COMMD10: variants seen among roughly 807,000 people sequenced by gnomAD.
COMMD10 encodes COMM domain-containing protein 10.
COMMD10 carries 33 observed loss-of-function variants against 28.9 expected under a neutral mutation model. That is an observed-to-expected ratio of 1.14 (90% CI 0.87 to 1.53). The LOEUF (loss-of-function observed/expected upper bound fraction) is 1.53, where lower values mean the gene tolerates loss of function less well. Among genes scored for constraint, COMMD10 ranks in the 40% most tolerant of loss-of-function variants. The pLI is 0.00. For missense variants in COMMD10, 310 were observed against 233.4 expected (o/e 1.33, Z -2.14); for synonymous variants, 110 against 81.7 (o/e 1.35, Z -1.87).
intron 5 of COMMD10, among the ~76,000 whole-genome samples, chr5:116,171,602 G>C (rs1407809095): frequency 1.3e-5 from 2 of 152,134 alleles, no homozygotes; most frequent in Non-Finnish European, 2.9e-5. Flanking sequence ...TGATATACTG[G>C]ATAAAGAAAA....
chr5:116,096,259 T>C (rs1750463257), intron 4 of COMMD10, among the ~76,000 whole-genome samples: 1 of 151,998 alleles, frequency 6.6e-6, no homozygotes, highest in Non-Finnish European at 1.5e-5. Context: ...TGATTTCTTT[T>C]ATCAGTGTCT....
intron 5 of COMMD10, among the ~76,000 whole-genome samples, chr5:116,148,784 G>A (rs1283674889): frequency 6.6e-6 from 1 of 151,814 alleles, no homozygotes; most frequent in Non-Finnish European, 1.5e-5. Context: ...AGGACAACCT[G>A]AAGAATGGGA....
At chr5:116,149,953 T>C (rs1389178245) in intron 5 of COMMD10, among the ~76,000 whole-genome samples, 2 of 152,118 alleles carry the variant, frequency 1.3e-5, no homozygotes, top group East Asian at 3.8e-4. Context: ...CTGAATGGTA[T>C]TGCCTAGGTT....
At chr5:116,189,811 T>C (rs1748291579) in intron 5 of COMMD10, among the ~76,000 whole-genome samples, 1 of 152,204 alleles carries the variant, frequency 6.6e-6, no homozygotes, top group South Asian at 2.1e-4. Flanking sequence ...AAATTGTTCA[T>C]GTATTTTAGC....
intron 5 of COMMD10, among the ~76,000 whole-genome samples, chr5:116,190,740 A>G (rs1334562179): frequency 6.6e-6 from 1 of 152,236 alleles, no homozygotes; most frequent in African/African-American, 2.4e-5. Context: ...AGCAACTAAC[A>G]ACTTTAAGCT....
At chr5:116,125,616 G>A (rs1448107750) in intron 4 of COMMD10, among the ~76,000 whole-genome samples, 1 of 152,102 alleles carries the variant, frequency 6.6e-6, no homozygotes, top group African/African-American at 2.4e-5. Context: ...GCTTGGGGAA[G>A]TTCTCCTGGA....
chr5:116,131,393 G>A (rs190638038), intron 4 of COMMD10, among the ~76,000 whole-genome samples: 58 of 151,974 alleles, frequency 3.8e-4, no homozygotes, highest in African/African-American at 1.3e-3. Flanking sequence ...GTATGTGTGT[G>A]TGTGTGTATG....
chr5:116,120,027 C>T (rs1561612097), intron 4 of COMMD10, among the ~76,000 whole-genome samples: 1 of 152,038 alleles, frequency 6.6e-6, no homozygotes, highest in African/African-American at 2.4e-5. Flanking sequence ...TCCATGAGAT[C>T]ACCATGGTAA....
At chr5:116,241,242 C>T (rs544077158) in intron 5 of COMMD10, among the ~76,000 whole-genome samples, 49 of 152,192 alleles carry the variant, frequency 3.2e-4, no homozygotes, top group African/African-American at 1.2e-3. Flanking sequence ...TTAGTTTAAC[C>T]GTAGGTGGAC....
At chr5:116,288,630 CTTCT>C (rs1751283537) in intron 5 of COMMD10, among the ~76,000 whole-genome samples, 1 of 151,640 alleles carries the variant, frequency 6.6e-6, no homozygotes, top group African/African-American at 2.4e-5. Flanking sequence ...CTTCACATTT[CTTCT>C]TTCTTTTTTC....
At chr5:116,180,878 T>G (rs908222982) in intron 5 of COMMD10, among the ~76,000 whole-genome samples, 19 of 152,100 alleles carry the variant, frequency 1.2e-4, no homozygotes, top group Admixed American at 2.6e-4. Flanking sequence ...TAAAAAGTCT[T>G]TATTAGGCTC....
intron 5 of COMMD10, among the ~76,000 whole-genome samples, chr5:116,268,233 G>A (rs553556583): frequency 1.2e-3 from 186 of 151,810 alleles, no homozygotes; most frequent in Middle Eastern, 6.8e-3. Flanking sequence ...AATCTACAAA[G>A]AACTTAAACA....
intron 5 of COMMD10, among the ~76,000 whole-genome samples, chr5:116,202,339 T>G (rs1209006451): frequency 6.6e-6 from 1 of 151,898 alleles, no homozygotes; most frequent in African/African-American, 2.4e-5. Context: ...AGTGCCACAA[T>G]AAACATACGT....
In COMMD10 at chr5:116,099,564, C is replaced by T. The variant is rs539776406; in HGVS notation, c.399+6864C>T. On this transcript the variant is annotated intron_variant, in intron 4 of 6. Transcript: ENST00000274458. ...GTACCAATTTACATTCCCACCAACA[C>T]TGTACAATGGTTTCTTTTTCTCTGC... Among the ~76,000 whole-genome samples, 4 of 152,282 alleles carry T rather than the reference C, an allele frequency of 2.6e-5. No homozygotes were observed. In the East Asian group the frequency reaches 7.7e-4, roughly 29 times the overall value.
At position 116,207,884 on chromosome 5, in the gene COMMD10, G is replaced by T. The variant is rs762800349; in HGVS notation, c.510+73706G>T. Among the ~76,000 whole-genome samples the T allele has an allele frequency of 2.0e-5, 3 of 152,058 alleles. 1 individual carries two copies. The highest frequency in any genetic ancestry group is 2.9e-5 in the Non-Finnish European group (2 of 68,016). ...ACATTGCCTCCCATTCTTTCTTTTG[G>T]CTGTTATTTAATGAGAGACTACTAT... On this transcript the variant is annotated intron_variant, in intron 5 of 6. Coordinates refer to ENST00000274458, the MANE Select transcript of COMMD10 (RefSeq NM_016144.4).
chr5:116,200,627 CT>C (rs1016645155), intron 5 of COMMD10, among the ~76,000 whole-genome samples: 2 of 151,318 alleles, frequency 1.3e-5, no homozygotes, highest in Middle Eastern at 3.4e-3. Flanking sequence ...TTGTTTTTGT[CT>C]TTGCTTTTCA....
rs546192820 is a variant in COMMD10 at position 116,281,362 on chromosome 5, A to G, written c.511-10155A>G. On this transcript the variant is annotated intron_variant, in intron 5 of 6. Transcript: ENST00000274458. ...TGGGTATGTGCAACATTATCTAGGT[A>G]CTCATAGATAGGATTACAAATTAAA... Among the ~76,000 whole-genome samples the G allele has an allele frequency of 1.1e-4, 17 of 151,862 alleles. No individual in the cohort carries two copies. In the East Asian group the frequency reaches 3.3e-3, roughly 29 times the overall value.
At chr5:116,172,636 T>C (rs1475152747) in intron 5 of COMMD10, among the ~76,000 whole-genome samples, 2 of 152,166 alleles carry the variant, frequency 1.3e-5, no homozygotes, top group Non-Finnish European at 2.9e-5. Flanking sequence ...AAAGATTTAC[T>C]CACAGTGTTT....
intron 4 of COMMD10, among the ~76,000 whole-genome samples, chr5:116,132,143 G>C (rs1751881921): frequency 6.6e-6 from 1 of 151,992 alleles, no homozygotes; most frequent in African/African-American, 2.4e-5. Flanking sequence ...ATGAGAATCT[G>C]AAATGAGTCA....
Sources: gnomAD v4.1 joint callset for allele counts (sites outside exome capture counted in the v4.1 genomes callset) on GRCh38, gnomAD v4.1.1 for gene constraint, MANE v1.5 for transcripts, NCBI Gene and HGNC (gene_info 2026-07-23, HGNC 2026-07-21) for gene names.